Variants in APOLD1 observed in about 807,000 individuals in gnomAD.
APOLD1 encodes the protein apolipoprotein L domain containing 1.
In APOLD1, 22 loss-of-function variants were observed where a neutral mutation model predicts 15.3. That is an observed-to-expected ratio of 1.44 (90% confidence interval 1.03 to 2.05). APOLD1 has a LOEUF of 2.05. Among genes scored for constraint, APOLD1 ranks in the 30% most tolerant of loss-of-function variants. The pLI, the probability that APOLD1 is intolerant of heterozygous loss-of-function variation, is 0.00. For synonymous variants in APOLD1, 190 were observed against 167.4 expected, an observed-to-expected ratio of 1.13 and a Z score of -1.04; for missense variants, 394 against 353.5, an observed-to-expected ratio of 1.11 and a Z score of -0.92.
At chr12:12,781,335 T>C (rs1018368500), upstream of APOLD1, among the ~76,000 whole-genome samples, 2 of 151,818 alleles carry the variant, frequency 1.3e-5, no homozygotes, top group Non-Finnish European at 2.9e-5. Flanking sequence ...TCCCAGCTAC[T>C]TGGGAGGCTG....
chr12:12,774,564 A>G (rs1454420406), intron 1 of APOLD1, among the ~76,000 whole-genome samples: 2 of 142,998 alleles, frequency 1.4e-5, no homozygotes, highest in Non-Finnish European at 1.5e-5. Flanking sequence ...AAAAAAAAAA[A>G]AAAAAAAAAA....
upstream of APOLD1, among the ~76,000 whole-genome samples, chr12:12,782,105 A>C (rs1947085697): frequency 6.6e-6 from 1 of 151,924 alleles, no homozygotes; most frequent in Non-Finnish European, 1.5e-5. Flanking sequence ...CTAAAGATAC[A>C]AAAATTAGCT....
At chr12:12,725,939 CGCGGG>C in exon 1 of APOLD1, 1 of 1,347,540 alleles carries the variant, frequency 7.4e-7, no homozygotes, top group Non-Finnish European at 9.8e-7. Flanking sequence ...GGCGGGGGTG[CGCGGG>C]GCGGTCAGCG....
intron 1 of APOLD1, among the ~76,000 whole-genome samples, chr12:12,746,745 G>C (rs112598050): frequency 0.013 from 2,008 of 152,214 alleles, 44 homozygotes; most frequent in African/African-American, 0.044. Context: ...TGCCCAAGTA[G>C]TGAACGTAGT....
chr12:12,736,729 A>G (rs1342312936), intron 1 of APOLD1, among the ~76,000 whole-genome samples: 2 of 152,196 alleles, frequency 1.3e-5, no homozygotes, highest in African/African-American at 4.8e-5. Flanking sequence ...TCGAGTTTTC[A>G]AAAACCAAAA....
intron 1 of APOLD1, among the ~76,000 whole-genome samples, chr12:12,779,234 T>C (rs1438895768): frequency 6.6e-6 from 1 of 152,134 alleles, no homozygotes; most frequent in Admixed American, 6.6e-5. Context: ...TGTGCTTTCT[T>C]GGTACCAGCA....
intron 1 of APOLD1, among the ~76,000 whole-genome samples, chr12:12,778,781 C>T (rs2136396762): frequency 6.6e-6 from 1 of 152,328 alleles, no homozygotes. Context: ...TGCATCCTAC[C>T]AACATTAGCC....
chr12:12,787,023 G>A lies in APOLD1; in HGVS notation c.118G>A (p.Glu40Lys), dbSNP rs1245614140. 4 of 1,382,198 alleles carry A rather than the reference G, an allele frequency of 2.9e-6. No individual in the cohort carries two copies. The highest frequency in any genetic ancestry group is 3.7e-6 in the Non-Finnish European group (4 of 1,079,414). The allele number at this position is 1,382,198 out of a possible 1,614,324, so 85.6% of individuals were successfully genotyped here. Residue 40 changes from glutamate (E) to lysine (K), a missense_variant, in exon 2 of 2, where the codon GAG becomes AAG. By Grantham distance (56) the Glu-to-Lys change is moderately conservative. Transcript: ENST00000356591. This position sits in a 1 kb window ranked among gnomAD's most constrained non-coding sequence, Gnocchi z 4.9. Reference sequence around the variant, plus strand: ...GCACGGCCAGGTGCTGCGCCTGCGCGAGGTGGCCCGGCGCCTGGAGCGCCT... The same window carrying A: ...GCACGGCCAGGTGCTGCGCCTGCGCAAGGTGGCCCGGCGCCTGGAGCGCCT... The part of the protein sequence containing the change: ...RLHGQVLRLR[E>K]VARRLERLRR...
chr12:12,761,054 G>A (rs1184293328), intron 1 of APOLD1, among the ~76,000 whole-genome samples: 2 of 152,138 alleles, frequency 1.3e-5, no homozygotes, highest in Non-Finnish European at 2.9e-5. Context: ...CAAACATCTT[G>A]GTGTCTGCGT....
intron 1 of APOLD1, among the ~76,000 whole-genome samples, chr12:12,779,946 A>G (rs1947066225): frequency 1.3e-5 from 2 of 152,076 alleles, no homozygotes; most frequent in Admixed American, 1.3e-4. Flanking sequence ...GTGCAGTTCC[A>G]TGAATTTTTG....
intron 1 of APOLD1, among the ~76,000 whole-genome samples, chr12:12,773,538 G>A (rs1947004199): frequency 6.6e-6 from 1 of 152,156 alleles, no homozygotes; most frequent in African/African-American, 2.4e-5. Context: ...CTCCAGCCTA[G>A]GTGACAGACC....
rs764512927 is a variant in APOLD1, at chr12:12,787,419, T to C, written c.514T>C (p.Phe172Leu). The change falls in exon 2 of 2, where the codon TTC (phenylalanine) becomes CTC (leucine). Residue 172 changes from phenylalanine (F) to leucine (L), a missense_variant. Coordinates refer to ENST00000356591, the MANE Select transcript of APOLD1 (RefSeq NM_030817.3). The surrounding 1 kb of genome is among the most constrained non-coding windows in gnomAD (Gnocchi z 4.9). ...GTACAATTCTGTCTACTTCATCGTC[T>C]TCTTTGGCTCACGTGGCTTCCTCAT... ...ALYNSVYFIV[F>L]FGSRGFLIPR... 3.1e-6 allele frequency: 5 copies of C among 1,614,182 alleles called. No homozygotes were observed. Among genetic ancestry groups the C allele is most frequent in the Non-Finnish European group, 2.5e-6 (3 of 1,180,038 alleles).
intron 1 of APOLD1, chr12:12,771,716 T>C (rs1946988848): frequency 2.0e-5 from 7 of 351,076 alleles, no homozygotes; most frequent in South Asian, 1.6e-4. Context: ...TCCTAACAGA[T>C]AACAGTTTGT....
chr12:12,748,913 T>G (rs1946785987), intron 1 of APOLD1, among the ~76,000 whole-genome samples: 1 of 152,134 alleles, frequency 6.6e-6, no homozygotes, highest in South Asian at 2.1e-4. Flanking sequence ...TTTCTAAACT[T>G]TACAAGAAGG....
chr12:12,727,648 G>A (rs1026577150), intron 1 of APOLD1, among the ~76,000 whole-genome samples: 7 of 151,766 alleles, frequency 4.6e-5, no homozygotes, highest in Non-Finnish European at 4.4e-5. Context: ...TGTCATCCAG[G>A]CTGGAGTGCA....
At chr12:12,737,286 C>G (rs7961607) in intron 1 of APOLD1, among the ~76,000 whole-genome samples, 2,185 of 151,720 alleles carry the variant, frequency 0.014, 52 homozygotes, top group African/African-American at 0.051. Flanking sequence ...GGGGTAACAA[C>G]CTAGAGTTGG....
In APOLD1 at chr12:12,761,835, A is replaced by ATAT. The variant is rs1565432774; in HGVS notation, c.97-25074_97-25073insTAT. On this transcript the variant is annotated intron_variant, in intron 1 of 1. Transcript: ENST00000326765. ...TATACATATATGTATATGTATAGAG[A>ATAT]GAGAGAGAGAGAGAGAGAGAGAGAG... Among the ~76,000 whole-genome samples the ATAT allele has an allele frequency of 6.5e-4, 80 of 123,328 alleles. 4 individuals are homozygous for ATAT. The highest frequency in any genetic ancestry group is 3.1e-3 in the East Asian group (10 of 3,242). 80.9% of individuals were successfully genotyped at this position (123,328 alleles called of 152,430 possible). A position where few individuals can be genotyped will look rare whatever the true frequency, so the allele number is the denominator to read the frequency against.
At chr12:12,776,252 T>C (rs1947032872) in intron 1 of APOLD1, among the ~76,000 whole-genome samples, 1 of 152,160 alleles carries the variant, frequency 6.6e-6, no homozygotes, top group Non-Finnish European at 1.5e-5. Context: ...TCAAATAGTC[T>C]AAAAGCTAAG....
At chr12:12,753,735 G>A (rs999984506) in intron 1 of APOLD1, among the ~76,000 whole-genome samples, 16 of 151,964 alleles carry the variant, frequency 1.1e-4, no homozygotes, top group Admixed American at 6.6e-4. Context: ...TAAATAATTC[G>A]AAGAATTATT....
Sources: allele counts gnomAD v4.1 joint callset (sites outside exome capture counted in the v4.1 genomes callset), GRCh38; gene constraint gnomAD v4.1.1; non-coding constraint Gnocchi (gnomAD v3.1); transcripts MANE v1.5; gene names NCBI Gene and HGNC (gene_info 2026-07-23, HGNC 2026-07-21).